Variants in PITPNB observed in about 807,000 individuals in gnomAD.
The protein encoded by PITPNB is phosphatidylinositol transfer protein beta isoform.
Under a neutral mutation model 45.9 loss-of-function variants are expected in PITPNB, and 16 were observed. The observed-to-expected ratio is 0.35, with a 90% CI of 0.24 to 0.53. The LOEUF is 0.53. Ranked by LOEUF, PITPNB falls within the 20% of genes least tolerant of loss-of-function variation. PITPNB has a pLI of 0.93. For synonymous variants in PITPNB, 112 were observed against 108.9 expected (o/e 1.03, Z -0.18); for missense variants, 188 against 330.5 (o/e 0.57, Z 3.34).
In PITPNB at chr22:27,919,183, C is replaced by A; in HGVS notation, c.9G>T (p.Leu3=). The A allele has an allele frequency of 6.2e-7, 1 of 1,613,946 alleles. No individual in the cohort carries two copies. The highest frequency in any genetic ancestry group is 1.3e-5 in the African/African-American group (1 of 75,062). The change falls in exon 1 of 12, where the codon CTG becomes CTT. Residue 3 remains leucine (L), a synonymous_variant. Transcript: ENST00000335272. The part of the protein sequence containing the change: MV[L]IKEFRVVLPC... ...ACAGACCCACTCACAATTCCTTGAT[C>A]AGCACCATCTTCCCGGAACCCCCTC...
chr22:27,898,150 A>G, intron 3 of PITPNB: 1 of 385,386 alleles, frequency 2.6e-6, no homozygotes, highest in Non-Finnish European at 4.9e-6. Context: ...CTGAGGCAGG[A>G]GGATCACTTG....
intron 7 of PITPNB, among the ~76,000 whole-genome samples, chr22:27,880,254 C>T (rs921798430): frequency 6.6e-6 from 1 of 152,178 alleles, no homozygotes; most frequent in Non-Finnish European, 1.5e-5. Context: ...TACATTCTAC[C>T]ATTTGATTAG....
chr22:27,869,260 A>G (rs1934578384), intron 8 of PITPNB, among the ~76,000 whole-genome samples: 1 of 152,194 alleles, frequency 6.6e-6, no homozygotes, highest in Non-Finnish European at 1.5e-5. Flanking sequence ...CAAAAATATA[A>G]TTTCTGCACT....
At chr22:27,878,799 T>C (rs1934889747) in intron 7 of PITPNB, among the ~76,000 whole-genome samples, 2 of 152,232 alleles carry the variant, frequency 1.3e-5, no homozygotes, top group South Asian at 4.1e-4. Flanking sequence ...ATCATTCTTA[T>C]CTATTCATTA....
At chr22:27,918,746 G>A (rs1471564883) in intron 1 of PITPNB, among the ~76,000 whole-genome samples, 2 of 152,134 alleles carry the variant, frequency 1.3e-5, no homozygotes, top group African/African-American at 4.8e-5. Context: ...TGGTTACCAG[G>A]GGACTCCACC....
At chr22:27,882,697 A>C (rs573259450) in intron 7 of PITPNB, among the ~76,000 whole-genome samples, 2 of 152,378 alleles carry the variant, frequency 1.3e-5, no homozygotes, top group African/African-American at 2.4e-5. Context: ...TTAGTCTTTG[A>C]ACTTTGACTA....
intron 7 of PITPNB, among the ~76,000 whole-genome samples, chr22:27,878,321 A>T (rs991369935): frequency 6.6e-6 from 1 of 152,218 alleles, no homozygotes; most frequent in Non-Finnish European, 1.5e-5. Flanking sequence ...CCAAACGAAT[A>T]ACTAACTCAA....
At chr22:27,899,434 T>G (rs2146407003) in intron 3 of PITPNB, among the ~76,000 whole-genome samples, 1 of 152,228 alleles carries the variant, frequency 6.6e-6, no homozygotes, top group Non-Finnish European at 1.5e-5. Flanking sequence ...GCCATTCTCC[T>G]GCCTCAGGCT....
intron 6 of PITPNB, 64 bp from the exon 7 acceptor site, chr22:27,894,702 A>G: frequency 1.1e-6 from 1 of 906,000 alleles, no homozygotes; most frequent in South Asian, 1.5e-5. Context: ...GCTTACACAT[A>G]TAATCTTTAT....
Position 27,887,559 on chromosome 22 carries a change from C to T in PITPNB, c.456+6996G>A, listed in dbSNP as rs7289482. On this transcript the variant is annotated intron_variant, in intron 7 of 11. Coordinates refer to ENST00000335272, the MANE Select transcript of PITPNB (RefSeq NM_012399.5). ...GATTCTGCTCCAATATCCCCACCCACCCCACCTCCCCAGGTCTAACAGGCG... is the reference window on the plus strand; with the variant it reads ...GATTCTGCTCCAATATCCCCACCCATCCCACCTCCCCAGGTCTAACAGGCG... Among the ~76,000 whole-genome samples, 1,403 of 151,996 alleles carry T rather than the reference C, an allele frequency of 9.2e-3. 26 individuals carry two copies. Among genetic ancestry groups the T allele is most frequent in the African/African-American group, 0.031 (1,306 of 41,464 alleles).
chr22:27,876,326 A>C (rs961519349), intron 7 of PITPNB, among the ~76,000 whole-genome samples: 2 of 152,234 alleles, frequency 1.3e-5, no homozygotes, highest in African/African-American at 4.8e-5. Context: ...TATCATACAC[A>C]TATACATATG....
chr22:27,867,726 C>T (rs1465013226), intron 8 of PITPNB, among the ~76,000 whole-genome samples: 1 of 152,186 alleles, frequency 6.6e-6, no homozygotes, highest in Non-Finnish European at 1.5e-5. Context: ...GAAGAATCTG[C>T]AAGAAGCTCA....
At chr22:27,896,530 A>C (rs756155101) in intron 6 of PITPNB, 22 bp downstream of exon 6, 1 of 1,542,616 alleles carries the variant, frequency 6.5e-7, no homozygotes, top group Non-Finnish European at 9.0e-7. Context: ...TTTTGTACTA[A>C]AAGTGCAGAG....
chr22:27,899,650 AATTC>A (rs1300771260), intron 3 of PITPNB, among the ~76,000 whole-genome samples: 1 of 152,160 alleles, frequency 6.6e-6, no homozygotes, highest in Non-Finnish European at 1.5e-5. Context: ...ATGGTGGAAC[AATTC>A]ATTCAAACTT....
At chr22:27,884,445 C>G (rs12330032) in intron 7 of PITPNB, among the ~76,000 whole-genome samples, 6,576 of 152,262 alleles carry the variant, frequency 0.043, 240 homozygotes, top group African/African-American at 0.092. Flanking sequence ...AACAGGGACC[C>G]CTCCTACTCT....
At chr22:27,861,342 A>G (rs1934326788) in intron 8 of PITPNB, among the ~76,000 whole-genome samples, 1 of 151,838 alleles carries the variant, frequency 6.6e-6, no homozygotes, top group South Asian at 2.1e-4. Flanking sequence ...CTGGGGTGGG[A>G]GGTGGGGCAC....
chr22:27,880,211 C>G (rs1050289673), intron 7 of PITPNB, among the ~76,000 whole-genome samples: 2 of 152,164 alleles, frequency 1.3e-5, no homozygotes, highest in African/African-American at 4.8e-5. Flanking sequence ...GACACCAAAG[C>G]CAACCATGAT....
At chr22:27,886,205 G>T (rs923879692) in intron 7 of PITPNB, among the ~76,000 whole-genome samples, 1 of 152,180 alleles carries the variant, frequency 6.6e-6, no homozygotes, top group African/African-American at 2.4e-5. Flanking sequence ...ATTCTGAAGG[G>T]ACAAAAGATA....
At chr22:27,889,115 G>C (rs1302723567) in intron 7 of PITPNB, among the ~76,000 whole-genome samples, 2 of 152,184 alleles carry the variant, frequency 1.3e-5, no homozygotes, top group Non-Finnish European at 2.9e-5. Flanking sequence ...ACTGCGCTGG[G>C]AGAGGGAACA....
Sources: allele counts gnomAD v4.1 joint callset (sites outside exome capture counted in the v4.1 genomes callset), GRCh38; gene constraint gnomAD v4.1.1; transcripts MANE v1.5; gene names NCBI Gene and HGNC (gene_info 2026-07-23, HGNC 2026-07-21).